The following DMD variants were observed in gnomAD, a reference collection of about 807,000 sequenced individuals.
DMD encodes dystrophin.
A neutral mutation model predicts 330.1 loss-of-function variants in DMD; 63 were observed. That is an observed-to-expected ratio of 0.19 (90% confidence interval 0.16 to 0.24). DMD has a LOEUF of 0.24. Among genes scored for constraint, DMD ranks in the 10% least tolerant of loss-of-function variants. DMD has a pLI of 1.00. For synonymous variants in DMD, 1,223 were observed against 959.8 expected, an observed-to-expected ratio of 1.27 and a Z score of -5.07; for missense variants, 3,344 against 2,684.1, an observed-to-expected ratio of 1.25 and a Z score of -5.43.
intron 43 of DMD, among the ~76,000 whole-genome samples, chrX:32,262,920 A>C (rs964696240): frequency 9.0e-6 from 1 of 111,442 alleles, no homozygotes; most frequent in African/African-American, 3.3e-5. Flanking sequence ...AAGATCTTCC[A>C]TTTCACTGCA....
intron 55 of DMD, among the ~76,000 whole-genome samples, chrX:31,511,655 T>C (rs1293781840): frequency 2.9e-5 from 3 of 102,887 alleles, no homozygotes; most frequent in Admixed American, 2.1e-4. Flanking sequence ...CTACAAAGGA[T>C]GTGAACTCAT....
intron 17 of DMD, among the ~76,000 whole-genome samples, chrX:32,527,305 G>A (rs1200635122): frequency 1.8e-5 from 2 of 111,957 alleles, no homozygotes; most frequent in Non-Finnish European, 3.8e-5. Flanking sequence ...AATAATTTTG[G>A]AGGTAAGATT....
At chrX:33,053,704 T>C (rs1246531339) in intron 1 of DMD, among the ~76,000 whole-genome samples, 1 of 111,947 alleles carries the variant, frequency 8.9e-6, no homozygotes, top group Non-Finnish European at 1.9e-5. Context: ...TCTAGGTATG[T>C]TCCAAAAAGG....
intron 60 of DMD, among the ~76,000 whole-genome samples, chrX:31,418,040 A>G (rs2063161265): frequency 9.0e-6 from 1 of 110,536 alleles, no homozygotes; most frequent in Non-Finnish European, 1.9e-5. Context: ...TTAAAAAAAA[A>G]AAAAAAAGAA....
At chrX:32,604,602 G>T (rs2056521381) in intron 12 of DMD, among the ~76,000 whole-genome samples, 1 of 110,327 alleles carries the variant, frequency 9.1e-6, no homozygotes, top group African/African-American at 3.3e-5. Flanking sequence ...TTGGGAAAAA[G>T]AAAGTCAAAT....
At chrX:31,881,902 A>T (rs1283734578) in intron 47 of DMD, among the ~76,000 whole-genome samples, 4 of 112,259 alleles carry the variant, frequency 3.6e-5, no homozygotes, top group Non-Finnish European at 7.5e-5. Context: ...GGTAATTCAG[A>T]CCGAAAAGTT....
At chrX:32,510,742 G>A (rs2045210529) in intron 18 of DMD, among the ~76,000 whole-genome samples, 1 of 111,633 alleles carries the variant, frequency 9.0e-6, no homozygotes, top group Non-Finnish European at 1.9e-5. Context: ...CATGGGGACA[G>A]GTGCTGCAAG....
rs1026248587 is a variant in DMD, at chrX:32,410,036, G to A, written c.4233+1716C>T. ...TTTTCATTATGACTCAAACTGGGAC[G>A]GACTTAGGAATAGTTAATTCTAGAG... On this transcript the variant is annotated intron_variant, in intron 30 of 78. Coordinates refer to ENST00000357033, the MANE Select transcript of DMD (RefSeq NM_004006.3). Among the ~76,000 whole-genome samples the A allele has an allele frequency of 4.5e-5, 5 of 111,367 alleles. No individual in the cohort carries two copies. The East Asian group carries it at 8.5e-4, about 19-fold the overall frequency.
At chrX:31,358,234 G>GT (rs2058762901) in intron 60 of DMD, among the ~76,000 whole-genome samples, 1 of 109,398 alleles carries the variant, frequency 9.1e-6, no homozygotes, top group South Asian at 3.9e-4. Context: ...AAACTATTTT[G>GT]TTTTTCCAAA....
At chrX:33,270,352 C>A (rs1429867166) in intron 1 of DMD, among the ~76,000 whole-genome samples, 5 of 110,535 alleles carry the variant, frequency 4.5e-5, no homozygotes, top group African/African-American at 1.6e-4. Flanking sequence ...AAAAATCAGA[C>A]AAAGAATGGC....
At chrX:32,883,846 AAAAAAGAAAAT>A (rs1490559207) in intron 2 of DMD, among the ~76,000 whole-genome samples, 1 of 101,965 alleles carries the variant, frequency 9.8e-6, no homozygotes, top group Non-Finnish European at 2.0e-5. Context: ...AAAAAAAAAA[AAAAAAGAAAAT>A]GACTTCCATT....
intron 18 of DMD, among the ~76,000 whole-genome samples, chrX:32,511,698 C>G (rs941875076): frequency 9.1e-6 from 1 of 110,058 alleles, no homozygotes; most frequent in African/African-American, 3.3e-5. Context: ...AAATTTCGTC[C>G]TCATGAAGTC....
intron 1 of DMD, among the ~76,000 whole-genome samples, chrX:33,280,922 C>T (rs1465128124): frequency 9.0e-6 from 1 of 111,215 alleles, no homozygotes; most frequent in Non-Finnish European, 1.9e-5. Context: ...AGGTCCTGTG[C>T]CATTCTATAC....
chrX:32,245,327 G>T (rs1456600790), intron 43 of DMD, among the ~76,000 whole-genome samples: 2 of 67,871 alleles, frequency 2.9e-5, no homozygotes, highest in Non-Finnish European at 5.2e-5. Context: ...CTATATCTCT[G>T]TTTTGGTACC....
At position 31,121,190 on chromosome X, in the gene DMD, G is replaced by A. The variant is rs1037925104; in HGVS notation, c.*729C>T. ...GGAAAAAGTCAGTCTATAGAAATTC[G>A]TATCTCTTTATCTATATAACTATAG... On this transcript the variant is annotated 3_prime_UTR_variant, in exon 79 of 79. Transcript: ENST00000357033. The A allele has an allele frequency of 2.7e-5, 3 of 111,295 alleles. No homozygotes were observed. Among genetic ancestry groups the A allele is most frequent in the Non-Finnish European group, 3.8e-5 (2 of 53,001 alleles). 9.2% of individuals were successfully genotyped at this position (111,295 alleles called of 1,213,427 possible). A position where few individuals can be genotyped will look rare whatever the true frequency, so the allele number is the denominator to read the frequency against.
chrX:32,204,976 A>ATCTCTCTCTC (rs200970973), intron 44 of DMD, among the ~76,000 whole-genome samples: 660 of 45,286 alleles, frequency 0.015, 26 homozygotes, highest in Middle Eastern at 0.053. Flanking sequence ...CATCCAAGCC[A>ATCTCTCTCTC]TCTCTCTCTC....
At chrX:31,355,497 C>T (rs771636030) in intron 60 of DMD, among the ~76,000 whole-genome samples, 2 of 112,456 alleles carry the variant, frequency 1.8e-5, no homozygotes, top group South Asian at 3.7e-4. Context: ...ATGACACTTA[C>T]ACAAATGAGC....
rs773093542 is a variant in DMD, at chrX:31,922,525, T to TGTGC, written c.6912+7070_6912+7071insGCAC. Among the ~76,000 whole-genome samples the TGTGC allele has an allele frequency of 6.9e-3, 737 of 106,364 alleles. 9 individuals are homozygous for TGTGC. The highest frequency in any genetic ancestry group is 0.024 in the African/African-American group (687 of 29,183). 92.4% of individuals were successfully genotyped at this position (106,364 alleles called of 115,157 possible). On this transcript the variant is annotated intron_variant, in intron 47 of 78. Coordinates refer to ENST00000357033, the MANE Select transcript of DMD (RefSeq NM_004006.3). ...GTGTGTGTGTGTGTGTGTGTGTGTG[T>TGTGC]GCGCGCGCGTGCGCTAGGGGGGTGC...
chrX:33,002,182 G>C lies in DMD; in HGVS notation c.93+17957C>G, dbSNP rs142727987. Among the ~76,000 whole-genome samples, 1,011 of 111,057 alleles carry C rather than the reference G, an allele frequency of 9.1e-3. 11 individuals are homozygous for C. Among genetic ancestry groups the C allele is most frequent in the African/African-American group, 0.031 (960 of 30,577 alleles). On this transcript the variant is annotated intron_variant, in intron 2 of 78. Coordinates refer to ENST00000357033, the MANE Select transcript of DMD (RefSeq NM_004006.3). ...TGCCTTTTCTATTCAGAAGGTAAAA[G>C]TGTAGGTGAATTATCAGCCCAATAT... is the stretch of plus-strand genomic sequence containing the variant.
Sources: allele counts gnomAD v4.1 joint callset (sites outside exome capture counted in the v4.1 genomes callset), GRCh38; gene constraint gnomAD v4.1.1; transcripts MANE v1.5; gene names NCBI Gene and HGNC (gene_info 2026-07-23, HGNC 2026-07-21).